SLC35F3: variants seen among roughly 807,000 people sequenced by gnomAD.
SLC35F3 encodes the protein putative thiamine transporter SLC35F3.
A neutral mutation model predicts 49.9 loss-of-function variants in SLC35F3; 25 were observed. The ratio of observed to expected loss-of-function variants is 0.50; its 90% confidence interval spans 0.37 to 0.70. SLC35F3 has a LOEUF of 0.70. SLC35F3 is among the 30% of genes least tolerant of loss of function. The pLI is 0.00. For missense variants in SLC35F3, 525 were observed against 639.8 expected, an observed-to-expected ratio of 0.82 and a Z score of 1.94; for synonymous variants, 275 against 265.4, an observed-to-expected ratio of 1.04 and a Z score of -0.35.
At chr1:234,098,613 G>T (rs922651444) in intron 2 of SLC35F3, among the ~76,000 whole-genome samples, 4 of 150,642 alleles carry the variant, frequency 2.7e-5, no homozygotes, top group Non-Finnish European at 4.4e-5. Flanking sequence ...TAGGGTGATG[G>T]TGGTGACTGT....
At chr1:234,063,785 AC>A (rs1219354881) in intron 2 of SLC35F3, among the ~76,000 whole-genome samples, 25 of 152,138 alleles carry the variant, frequency 1.6e-4, no homozygotes, top group Admixed American at 1.6e-3. Flanking sequence ...AATTACTGAG[AC>A]CCAGCCTGCC....
chr1:233,961,930 AC>A (rs1313636615), intron 2 of SLC35F3, among the ~76,000 whole-genome samples: 4 of 152,182 alleles, frequency 2.6e-5, no homozygotes, highest in Non-Finnish European at 5.9e-5. Flanking sequence ...GGTTACTGGG[AC>A]AGAAGAACTT....
At position 234,288,255 on chromosome 1, in the gene SLC35F3, G is replaced by A. The variant is rs111822595; in HGVS notation, c.609-20846G>A. Among the ~76,000 whole-genome samples the A allele has an allele frequency of 3.2e-3, 480 of 152,188 alleles. 5 individuals are homozygous for A. Among genetic ancestry groups the A allele is most frequent in the African/African-American group, 0.011 (450 of 41,530 alleles). ...CTACACCATAATACAGACCCTCCCCGCCGCCACTTTCCCCAAGCCAGGAGC... is the reference window on the plus strand; with the variant it reads ...CTACACCATAATACAGACCCTCCCCACCGCCACTTTCCCCAAGCCAGGAGC... On this transcript the variant is annotated intron_variant, in intron 3 of 7. Transcript: ENST00000366618.
Position 234,214,207 on chromosome 1 carries a change from G to C in SLC35F3, c.284-17210G>C. 8.5e-7 allele frequency: 1 copy of C among 1,175,628 alleles called. No homozygotes were observed. Among genetic ancestry groups the C allele is most frequent in the Non-Finnish European group, 1.1e-6 (1 of 951,934 alleles). The allele number at this position is 1,175,628 out of a possible 1,614,324, so 72.8% of individuals were successfully genotyped here. On this transcript the variant is annotated intron_variant, in intron 2 of 7. Transcript: ENST00000366618. The surrounding 1 kb of genome is among the most constrained non-coding windows in gnomAD (Gnocchi z 8.0). ...CGGGGTGGGAGCAGGGAGTGCACTT[G>C]TACGTGACGTTGGAGTTTGCAGCAA...
chr1:234,040,993 A>G (rs746856), intron 2 of SLC35F3, among the ~76,000 whole-genome samples: 37,505 of 151,862 alleles, frequency 0.25, 9,513 homozygotes, highest in African/African-American at 0.64. Flanking sequence ...ACGTGTTATG[A>G]TATGAATAAC....
At chr1:234,016,127 A>G (rs1476915898) in intron 2 of SLC35F3, among the ~76,000 whole-genome samples, 3 of 152,236 alleles carry the variant, frequency 2.0e-5, no homozygotes, top group Non-Finnish European at 2.9e-5. Flanking sequence ...CAAAGTGGCA[A>G]TTATCAAAAA....
At chr1:234,246,255 T>A (rs1378220030) in intron 3 of SLC35F3, among the ~76,000 whole-genome samples, 1 of 152,068 alleles carries the variant, frequency 6.6e-6, no homozygotes, top group African/African-American at 2.4e-5. Context: ...CAGTTCACTT[T>A]CTCTAACCTG....
chr1:233,995,797 C>T (rs1663449754), intron 2 of SLC35F3, among the ~76,000 whole-genome samples: 1 of 152,164 alleles, frequency 6.6e-6, no homozygotes, highest in Admixed American at 6.5e-5. Context: ...TACATCCCTC[C>T]TGCAGCAAGG....
At chr1:234,243,101 C>T (rs749733076) in intron 3 of SLC35F3, among the ~76,000 whole-genome samples, 13 of 152,096 alleles carry the variant, frequency 8.5e-5, no homozygotes, top group Non-Finnish European at 1.8e-4. Flanking sequence ...GCCTGTAATC[C>T]CAGCACTTTG....
At position 234,046,127 on chromosome 1, in the gene SLC35F3, C is replaced by A. The variant is rs182712562; in HGVS notation, c.283+140369C>A. On this transcript the variant is annotated intron_variant, in intron 2 of 7. Transcript: ENST00000366618. This position sits in a 1 kb window ranked among gnomAD's most constrained non-coding sequence, Gnocchi z 4.4. ...TATAGGTTTCTTTGTGCATGTATAA[C>A]AGAGTTTCTCCAGAGTGTGTACAGC... Among the ~76,000 whole-genome samples, 1 of 152,194 alleles carries A rather than the reference C, an allele frequency of 6.6e-6. No homozygotes were observed. Among genetic ancestry groups the A allele is most frequent in the East Asian group, 1.9e-4 (1 of 5,182 alleles).
intron 3 of SLC35F3, among the ~76,000 whole-genome samples, chr1:234,269,187 A>C (rs951780701): frequency 1.3e-5 from 2 of 152,218 alleles, no homozygotes; most frequent in Non-Finnish European, 2.9e-5. Context: ...ATTTCATTTA[A>C]TATTTTAAAG....
intron 2 of SLC35F3, among the ~76,000 whole-genome samples, chr1:233,911,619 G>A (rs560172037): frequency 1.3e-5 from 2 of 152,304 alleles, no homozygotes; most frequent in African/African-American, 4.8e-5. Context: ...TAAACCCTTC[G>A]CATCTGCCAT....
intron 2 of SLC35F3, among the ~76,000 whole-genome samples, chr1:233,994,176 A>G (rs569364021): frequency 1.1e-4 from 17 of 152,178 alleles, no homozygotes; most frequent in Non-Finnish European, 2.2e-4. Flanking sequence ...TGGAGAAGAG[A>G]GTAGCAATTA....
intron 2 of SLC35F3, among the ~76,000 whole-genome samples, chr1:234,154,651 T>C (rs958250500): frequency 6.6e-6 from 1 of 152,214 alleles, no homozygotes; most frequent in Non-Finnish European, 1.5e-5. Context: ...TAAATAGTTA[T>C]CATAACTAAA....
intron 3 of SLC35F3, among the ~76,000 whole-genome samples, chr1:234,304,355 G>T (rs1668745084): frequency 6.6e-6 from 1 of 151,938 alleles, no homozygotes. Context: ...TAGAGGCAGG[G>T]TTTCACCATA....
intron 3 of SLC35F3, among the ~76,000 whole-genome samples, chr1:234,287,677 A>T (rs2102984155): frequency 6.6e-6 from 1 of 152,352 alleles, no homozygotes; most frequent in Non-Finnish European, 1.5e-5. Flanking sequence ...GACTCAAGTC[A>T]GTATCCTACC....
chr1:233,965,356 G>C (rs1662886744), intron 2 of SLC35F3, among the ~76,000 whole-genome samples: 1 of 152,104 alleles, frequency 6.6e-6, no homozygotes, highest in African/African-American at 2.4e-5. Flanking sequence ...CCTATCTCCT[G>C]GTGCTCACCT....
At chr1:234,319,497 G>A (rs561293208) in intron 6 of SLC35F3, among the ~76,000 whole-genome samples, 2 of 152,212 alleles carry the variant, frequency 1.3e-5, no homozygotes, top group African/African-American at 4.8e-5. Context: ...GAGCCCAGGA[G>A]TTCGAGACCA....
At chr1:233,946,859 G>A (rs191485951) in intron 2 of SLC35F3, among the ~76,000 whole-genome samples, 1 of 152,342 alleles carries the variant, frequency 6.6e-6, no homozygotes, top group East Asian at 1.9e-4. Flanking sequence ...CCACTGCCTG[G>A]CAGACAGGAA....
Sources: gnomAD v4.1 joint callset for allele counts (sites outside exome capture counted in the v4.1 genomes callset) on GRCh38, gnomAD v4.1.1 for gene constraint, Gnocchi (gnomAD v3.1) non-coding constraint, MANE v1.5 for transcripts, NCBI Gene and HGNC (gene_info 2026-07-23, HGNC 2026-07-21) for gene names.